UNC5D: variants seen among roughly 807,000 people sequenced by gnomAD.
UNC5D encodes the protein unc-5 netrin receptor D.
A neutral mutation model predicts 105.4 loss-of-function variants in UNC5D; 39 were observed. The observed-to-expected ratio is 0.37, with a 90% CI of 0.29 to 0.48. UNC5D has a LOEUF of 0.48. Among genes scored for constraint, UNC5D ranks in the 20% least tolerant of loss-of-function variants. The pLI is 0.98. For missense variants in UNC5D, 991 were observed against 1,202.4 expected, an observed-to-expected ratio of 0.82 and a Z score of 2.60; for synonymous variants, 452 against 450.4, an observed-to-expected ratio of 1.00 and a Z score of -0.04.
chr8:35,515,604 G>A (rs1366316375), intron 1 of UNC5D, among the ~76,000 whole-genome samples: 1 of 152,166 alleles, frequency 6.6e-6, no homozygotes, highest in African/African-American at 2.4e-5. Context: ...AGAATCACTT[G>A]AACCTGGGAG....
intron 4 of UNC5D, among the ~76,000 whole-genome samples, chr8:35,614,679 G>A (rs1820903428): frequency 6.6e-6 from 1 of 151,970 alleles, no homozygotes; most frequent in African/African-American, 2.4e-5. Context: ...AAGAAAATGA[G>A]GTTAATATAA....
rs568364385 is a variant in UNC5D, at chr8:35,536,286, T to G, written c.104-13006T>G. On this transcript the variant is annotated intron_variant, in intron 1 of 16. Transcript: ENST00000404895. ...TTACCATGTGGTGTATTGTCAATCT[T>G]GACTAAATACCACATCCGAGCAGGC... is the stretch of plus-strand genomic sequence containing the variant. 2.6e-5 allele frequency among the ~76,000 whole-genome samples: 4 copies of G among 152,308 alleles called. No individual in the cohort carries two copies. In the South Asian group the frequency reaches 8.3e-4, roughly 32 times the overall value.
chr8:35,262,116 G>T (rs535832328), intron 1 of UNC5D, among the ~76,000 whole-genome samples: 41 of 152,300 alleles, frequency 2.7e-4, no homozygotes, highest in Middle Eastern at 3.4e-3. Context: ...AATTTTAACA[G>T]TCATATGGGG....
At chr8:35,650,634 A>AT (rs935496385) in intron 4 of UNC5D, among the ~76,000 whole-genome samples, 243 of 151,028 alleles carry the variant, frequency 1.6e-3, no homozygotes, top group African/African-American at 5.3e-3. Flanking sequence ...TGCCCAGCTA[A>AT]TTTTTTTTTG....
At chr8:35,410,718 A>T (rs1805109297) in intron 1 of UNC5D, among the ~76,000 whole-genome samples, 1 of 151,996 alleles carries the variant, frequency 6.6e-6, no homozygotes, top group South Asian at 2.1e-4. Flanking sequence ...TCATATCAAT[A>T]CTGCAGTGAT....
intron 1 of UNC5D, among the ~76,000 whole-genome samples, chr8:35,516,961 A>G (rs530409991): frequency 6.6e-6 from 1 of 152,368 alleles, no homozygotes; most frequent in South Asian, 2.1e-4. Context: ...GGTAAGACAA[A>G]CGTCTTATTT....
At chr8:35,516,376 T>C (rs926240922) in intron 1 of UNC5D, among the ~76,000 whole-genome samples, 3 of 152,222 alleles carry the variant, frequency 2.0e-5, no homozygotes, top group Non-Finnish European at 4.4e-5. Context: ...TGAAAATCTG[T>C]TCTGGTTTGC....
intron 1 of UNC5D, among the ~76,000 whole-genome samples, chr8:35,534,071 C>A (rs113201595): frequency 0.011 from 1,653 of 152,268 alleles, 36 homozygotes; most frequent in African/African-American, 0.038. Context: ...TGGCTCCTCC[C>A]GCCACAACTG....
intron 11 of UNC5D, among the ~76,000 whole-genome samples, chr8:35,734,653 G>T (rs866574286): frequency 6.6e-6 from 1 of 152,024 alleles, no homozygotes; most frequent in African/African-American, 2.4e-5. Context: ...CAGGTGATAC[G>T]CCCACCTCGG....
chr8:35,566,113 G>T (rs1817318887), intron 2 of UNC5D, among the ~76,000 whole-genome samples: 1 of 152,166 alleles, frequency 6.6e-6, no homozygotes, highest in Non-Finnish European at 1.5e-5. Context: ...CAGTGCTTTT[G>T]TGCTTTCACA....
chr8:35,418,249 C>T (rs890917017), intron 1 of UNC5D, among the ~76,000 whole-genome samples: 2 of 152,080 alleles, frequency 1.3e-5, no homozygotes, highest in Non-Finnish European at 2.9e-5. Context: ...CCCCTGCCTC[C>T]CTGGGTTTGC....
chr8:35,582,248 A>T (rs1236421438), intron 3 of UNC5D, among the ~76,000 whole-genome samples: 1 of 152,044 alleles, frequency 6.6e-6, no homozygotes, highest in Non-Finnish European at 1.5e-5. Flanking sequence ...TCTTTCTCAG[A>T]TCCCCATGAT....
intron 1 of UNC5D, among the ~76,000 whole-genome samples, chr8:35,327,227 G>C (rs1245721097): frequency 6.6e-6 from 1 of 152,156 alleles, no homozygotes; most frequent in Non-Finnish European, 1.5e-5. Flanking sequence ...ATATTTCAGT[G>C]ATGAGCATAC....
At chr8:35,487,724 G>A (rs1373340556) in intron 1 of UNC5D, among the ~76,000 whole-genome samples, 3 of 152,076 alleles carry the variant, frequency 2.0e-5, no homozygotes, top group African/African-American at 4.8e-5. Flanking sequence ...AGGGATATAG[G>A]TAGAAAGAGT....
At chr8:35,761,659 G>A (rs1231979154) in intron 14 of UNC5D, among the ~76,000 whole-genome samples, 1 of 152,238 alleles carries the variant, frequency 6.6e-6, no homozygotes, top group Non-Finnish European at 1.5e-5. Flanking sequence ...TTGCCACTGA[G>A]TTTTCATTTC....
intron 1 of UNC5D, among the ~76,000 whole-genome samples, chr8:35,413,433 A>T (rs894439327): frequency 2.6e-5 from 4 of 151,402 alleles, no homozygotes; most frequent in Admixed American, 1.3e-4. Flanking sequence ...CATTAAGAAT[A>T]TAGCCAGAAG....
chr8:35,333,982 A>C (rs973079519), intron 1 of UNC5D, among the ~76,000 whole-genome samples: 3 of 152,220 alleles, frequency 2.0e-5, no homozygotes, highest in African/African-American at 4.8e-5. Flanking sequence ...TATCAACATC[A>C]ATAAAAATGA....
At chr8:35,529,953 A>G (rs1166457371) in intron 1 of UNC5D, among the ~76,000 whole-genome samples, 1 of 150,790 alleles carries the variant, frequency 6.6e-6, no homozygotes, top group African/African-American at 2.4e-5. Flanking sequence ...GGGCTGAGAC[A>G]ATGGGGTTTT....
chr8:35,390,504 A>G (rs932195809), intron 1 of UNC5D, among the ~76,000 whole-genome samples: 3 of 152,154 alleles, frequency 2.0e-5, no homozygotes, highest in Admixed American at 6.5e-5. Flanking sequence ...AAAAAATATT[A>G]TGGAGAAAAC....
Sources: gnomAD v4.1 joint callset for allele counts (sites outside exome capture counted in the v4.1 genomes callset) on GRCh38, gnomAD v4.1.1 for gene constraint, MANE v1.5 for transcripts, NCBI Gene and HGNC (gene_info 2026-07-23, HGNC 2026-07-21) for gene names.